The following HTR1F variants were observed in gnomAD, a reference collection of about 807,000 sequenced individuals.
HTR1F encodes 5-hydroxytryptamine (serotonin) receptor 1F, G protein-coupled.
A neutral mutation model predicts 24.0 loss-of-function variants in HTR1F; 17 were observed. The observed-to-expected ratio is 0.71, with a 90% CI of 0.48 to 1.06. The LOEUF is 1.06. HTR1F is among the 50% of genes least tolerant of loss of function. The pLI, the probability that HTR1F is intolerant of heterozygous loss-of-function variation, is 0.00. For synonymous variants in HTR1F, 186 were observed against 156.8 expected, an observed-to-expected ratio of 1.19 and a Z score of -1.39; for missense variants, 391 against 427.8, an observed-to-expected ratio of 0.91 and a Z score of 0.76.
chr3:87,851,270 G>T (rs1705080611), intron 2 of HTR1F, among the ~76,000 whole-genome samples: 1 of 151,568 alleles, frequency 6.6e-6, no homozygotes, highest in Non-Finnish European at 1.5e-5. Flanking sequence ...GAAGCAGATA[G>T]ATCTGATTCT....
intron 2 of HTR1F, among the ~76,000 whole-genome samples, chr3:87,867,501 T>G (rs1178978742): frequency 6.6e-6 from 1 of 151,842 alleles, no homozygotes; most frequent in Admixed American, 6.6e-5. Context: ...TGGCAAAAAT[T>G]GAACATTTAT....
intron 2 of HTR1F, among the ~76,000 whole-genome samples, chr3:87,932,995 C>G (rs1489172328): frequency 7.4e-5 from 11 of 148,242 alleles, no homozygotes. Context: ...CATCAAAAAG[C>G]TTATCCACCA....
In HTR1F at chr3:87,915,772, G is replaced by A. The variant is rs914821801; in HGVS notation, c.-42-74936G>A. Among the ~76,000 whole-genome samples, 6 of 152,112 alleles carry A rather than the reference G, an allele frequency of 3.9e-5. No individual in the cohort carries two copies. In the South Asian group the frequency reaches 6.2e-4, roughly 16 times the overall value. On this transcript the variant is annotated intron_variant, in intron 2 of 2. Coordinates refer to ENST00000319595, the MANE Select transcript of HTR1F (RefSeq NM_001322209.2). ...GGAAGAAGAGAAATCTAAAAGTTTG[G>A]AAAACATATTTGGGGAACTAATCAA...
chr3:87,951,078 CCCAT>C (rs1425495684), intron 2 of HTR1F, among the ~76,000 whole-genome samples: 1 of 152,022 alleles, frequency 6.6e-6, no homozygotes, highest in Non-Finnish European at 1.5e-5. Flanking sequence ...CTCAAATTTC[CCCAT>C]CCAACAGGCA....
chr3:87,854,931 G>C (rs564458071), intron 2 of HTR1F, among the ~76,000 whole-genome samples: 1 of 152,022 alleles, frequency 6.6e-6, no homozygotes, highest in East Asian at 1.9e-4. Context: ...TGTTGTTGTT[G>C]TTGTTGCTGT....
intron 2 of HTR1F, among the ~76,000 whole-genome samples, chr3:87,823,516 A>ATT (rs199538588): frequency 0.12 from 16,430 of 139,218 alleles, 2,953 homozygotes; most frequent in African/African-American, 0.39. Flanking sequence ...CTGGTCCCAT[A>ATT]TTTTTTTTTT....
intron 2 of HTR1F, among the ~76,000 whole-genome samples, chr3:87,918,164 C>A (rs1257795215): frequency 2.0e-5 from 3 of 151,918 alleles, no homozygotes; most frequent in Admixed American, 6.6e-5. Context: ...TGACAAAAAT[C>A]CAGCATCCCT....
At chr3:87,926,862 G>C (rs1297205938) in intron 2 of HTR1F, among the ~76,000 whole-genome samples, 3 of 152,150 alleles carry the variant, frequency 2.0e-5, no homozygotes, top group Non-Finnish European at 4.4e-5. Flanking sequence ...GTATCCTGCT[G>C]TCTTCTCTTC....
At chr3:87,826,228 G>A (rs1421519418) in intron 2 of HTR1F, among the ~76,000 whole-genome samples, 1 of 152,196 alleles carries the variant, frequency 6.6e-6, no homozygotes, top group Non-Finnish European at 1.5e-5. Context: ...GAGAACCTGG[G>A]TGAGACCATA....
chr3:87,863,402 G>A (rs1181436827), intron 2 of HTR1F, among the ~76,000 whole-genome samples: 2 of 152,154 alleles, frequency 1.3e-5, no homozygotes, highest in Admixed American at 1.3e-4. Flanking sequence ...TTTACTGTAA[G>A]AAGCAGGAAG....
At chr3:87,967,586 T>TGG (rs34317253) in intron 2 of HTR1F, among the ~76,000 whole-genome samples, 11 of 149,490 alleles carry the variant, frequency 7.4e-5, no homozygotes, top group African/African-American at 2.2e-4. Context: ...AATTGAATCA[T>TGG]GGGGGGGGGT....
At chr3:87,956,519 C>T (rs1046267762) in intron 2 of HTR1F, among the ~76,000 whole-genome samples, 2 of 151,332 alleles carry the variant, frequency 1.3e-5, no homozygotes, top group African/African-American at 4.8e-5. Context: ...AGCTTGCCAG[C>T]TTCTAAAGAC....
At chr3:87,930,286 G>T (rs1164682859) in intron 2 of HTR1F, among the ~76,000 whole-genome samples, 4 of 151,952 alleles carry the variant, frequency 2.6e-5, no homozygotes, top group African/African-American at 4.8e-5. Context: ...TCTTTCTTTT[G>T]CCTGATTGCT....
At chr3:87,888,171 G>T (rs1278550220) in intron 2 of HTR1F, among the ~76,000 whole-genome samples, 1 of 152,158 alleles carries the variant, frequency 6.6e-6, no homozygotes, top group Non-Finnish European at 1.5e-5. Context: ...CCTTTGCATG[G>T]ATGTGGATGA....
chr3:87,821,284 A>G (rs1704355683), intron 1 of HTR1F, among the ~76,000 whole-genome samples: 1 of 152,182 alleles, frequency 6.6e-6, no homozygotes, highest in Non-Finnish European at 1.5e-5. Flanking sequence ...TTTATTTTCC[A>G]AAGTACTTCC....
In HTR1F at chr3:87,895,541, G is replaced by A. The variant is rs562230272; in HGVS notation, c.-43+73417G>A. On this transcript the variant is annotated intron_variant, in intron 2 of 2. Coordinates refer to ENST00000319595, the MANE Select transcript of HTR1F (RefSeq NM_001322209.2). The stretch of plus-strand genomic sequence containing the variant: ...TACTTAATTATCTTTCTCTTCAAAA[G>A]AATTTGACTATTAGGAACGATTTCC... 5.3e-4 allele frequency among the ~76,000 whole-genome samples: 80 copies of A among 152,042 alleles called. 1 individual carries two copies. Among genetic ancestry groups the A allele is most frequent in the African/African-American group, 1.8e-3 (74 of 41,476 alleles).
At chr3:87,804,403 C>G (rs1160036996) in intron 1 of HTR1F, among the ~76,000 whole-genome samples, 1 of 151,520 alleles carries the variant, frequency 6.6e-6, no homozygotes, top group Non-Finnish European at 1.5e-5. Context: ...GAGCTCATTG[C>G]TCAAAAAGGA....
intron 2 of HTR1F, among the ~76,000 whole-genome samples, chr3:87,943,391 C>G (rs1704617247): frequency 4.6e-5 from 7 of 152,232 alleles, no homozygotes; most frequent in Admixed American, 4.6e-4. Context: ...GAGAATTTAC[C>G]TAGGTCTATT....
chr3:87,959,612 T>C (rs973246026), intron 2 of HTR1F, among the ~76,000 whole-genome samples: 1 of 151,916 alleles, frequency 6.6e-6, no homozygotes, highest in East Asian at 1.9e-4. Flanking sequence ...CCTCCAACAA[T>C]GTCAATATCA....
Sources: allele counts gnomAD v4.1 joint callset (sites outside exome capture counted in the v4.1 genomes callset), GRCh38; gene constraint gnomAD v4.1.1; transcripts MANE v1.5; gene names NCBI Gene and HGNC (gene_info 2026-07-23, HGNC 2026-07-21).